Variants in ITPRID1 observed in about 807,000 individuals in gnomAD.
The protein encoded by ITPRID1 is protein ITPRID1.
In ITPRID1, 96 loss-of-function variants were observed where a neutral mutation model predicts 95.4. The observed-to-expected ratio is 1.01, with a 90% CI of 0.85 to 1.19. The LOEUF (loss-of-function observed/expected upper bound fraction) is 1.19. Among genes scored for constraint, ITPRID1 ranks in the 50% most tolerant of loss-of-function variants. The probability of loss-of-function intolerance (pLI) is 0.00; values close to 1 mark genes in which losing one functional copy is unlikely to be tolerated. For missense variants in ITPRID1, 1,339 were observed against 1,252.9 expected (o/e 1.07, Z -1.04); for synonymous variants, 510 against 453.6 (o/e 1.12, Z -1.58).
At chr7:31,515,065 T>C (rs1783003182) in intron 1 of ITPRID1, among the ~76,000 whole-genome samples, 1 of 151,930 alleles carries the variant, frequency 6.6e-6, no homozygotes, top group Admixed American at 6.6e-5. Context: ...TCTATTCTTA[T>C]TGGATAATAT....
intron 1 of ITPRID1, among the ~76,000 whole-genome samples, chr7:31,545,012 A>G (rs1032377323): frequency 3.3e-5 from 5 of 152,068 alleles, no homozygotes; most frequent in African/African-American, 1.2e-4. Context: ...CCAGGAGTTC[A>G]TTTAGTTGGT....
At chr7:31,615,052 A>C (rs762580644) in intron 10 of ITPRID1, among the ~76,000 whole-genome samples, 29 of 152,092 alleles carry the variant, frequency 1.9e-4, no homozygotes, top group Non-Finnish European at 3.8e-4. Flanking sequence ...TTTTATAGTA[A>C]TTTTCTTAAA....
At chr7:31,588,489 G>C (rs1785718682) in intron 10 of ITPRID1, among the ~76,000 whole-genome samples, 1 of 151,824 alleles carries the variant, frequency 6.6e-6, no homozygotes, top group African/African-American at 2.4e-5. Context: ...AAATTAGCTG[G>C]GCATGGTGGT....
chr7:31,606,807 T>C (rs1001309521), intron 10 of ITPRID1, among the ~76,000 whole-genome samples: 21 of 152,156 alleles, frequency 1.4e-4, no homozygotes, highest in African/African-American at 5.1e-4. Flanking sequence ...TTTCTGGTTA[T>C]TTTCTTTTGT....
Position 31,554,525 on chromosome 7 carries a change from T to G in ITPRID1, c.212+2T>G. ...GCAGTGGCTGGACTCTGGATTCTTG[T>G]AAGTGTTTTTGTGTGTGTGTGCCTT... On this transcript the variant is annotated splice_donor_variant, in intron 4 of 14. Transcript: ENST00000615280. LOFTEE classifies it high-confidence loss of function. 1 of 1,612,486 alleles carries G rather than the reference T, an allele frequency of 6.2e-7. No homozygotes were observed. The highest frequency in any genetic ancestry group is 1.3e-5 in the African/African-American group (1 of 75,012).
chr7:31,533,925 C>G lies in ITPRID1; in HGVS notation c.-97-15501C>G, dbSNP rs564210449. On this transcript the variant is annotated intron_variant, in intron 1 of 14. Transcript: ENST00000615280. Reference sequence around the variant, plus strand: ...GCTGTGGACTAGTATTAGTCCCTGGCCTGCTACAAACCAGGCGACCCAGCA... The same window carrying G: ...GCTGTGGACTAGTATTAGTCCCTGGGCTGCTACAAACCAGGCGACCCAGCA... Among the ~76,000 whole-genome samples the G allele has an allele frequency of 7.4e-4, 112 of 152,238 alleles. 1 individual carries two copies. The highest frequency in any genetic ancestry group is 2.7e-3 in the African/African-American group (111 of 41,538).
intron 10 of ITPRID1, among the ~76,000 whole-genome samples, chr7:31,590,996 A>T (rs1025329890): frequency 6.6e-6 from 1 of 152,206 alleles, no homozygotes; most frequent in Non-Finnish European, 1.5e-5. Context: ...TCCAGAGTGT[A>T]CACTCTTGAA....
At chr7:31,624,851 A>G (rs912822823) in intron 10 of ITPRID1, among the ~76,000 whole-genome samples, 6 of 152,182 alleles carry the variant, frequency 3.9e-5, no homozygotes, top group South Asian at 4.1e-4. Context: ...CAAAATGGGA[A>G]AAAATTTTCG....
At chr7:31,595,025 TA>T (rs1562595471) in intron 10 of ITPRID1, among the ~76,000 whole-genome samples, 1 of 151,622 alleles carries the variant, frequency 6.6e-6, no homozygotes. Context: ...GAATATTTAT[TA>T]AAATATCTAA....
At chr7:31,642,570 G>A (rs1335815251) in intron 11 of ITPRID1, 112 bp from the exon 12 acceptor site, 5 of 956,284 alleles carry the variant, frequency 5.2e-6, no homozygotes, top group South Asian at 3.5e-5. Context: ...ACCTGATGTT[G>A]CAACCCTTAT....
chr7:31,631,431 C>T (rs1788985795), intron 10 of ITPRID1, among the ~76,000 whole-genome samples: 1 of 152,178 alleles, frequency 6.6e-6, no homozygotes, highest in African/African-American at 2.4e-5. Flanking sequence ...GCCCTAAATA[C>T]ATAGAAAGAT....
chr7:31,600,404 A>T (rs1786341778), intron 10 of ITPRID1, among the ~76,000 whole-genome samples: 2 of 152,248 alleles, frequency 1.3e-5, no homozygotes, highest in Non-Finnish European at 2.9e-5. Context: ...GGGATTGTTT[A>T]AAAAATGACG....
At chr7:31,657,497 G>A (rs10487730), downstream of ITPRID1, among the ~76,000 whole-genome samples, 112,571 of 152,052 alleles carry the variant, frequency 0.74, 41,819 homozygotes, top group East Asian at 0.82. Context: ...GTTCTGAGTC[G>A]CTTTCATACA....
intron 1 of ITPRID1, among the ~76,000 whole-genome samples, chr7:31,541,766 A>G (rs1211606301): frequency 6.6e-6 from 1 of 152,152 alleles, no homozygotes; most frequent in East Asian, 1.9e-4. Flanking sequence ...AAAACCTTGT[A>G]GACATGTTTA....
intron 1 of ITPRID1, among the ~76,000 whole-genome samples, chr7:31,516,669 G>C (rs1201095734): frequency 4.6e-5 from 7 of 152,150 alleles, no homozygotes; most frequent in Non-Finnish European, 1.5e-5. Context: ...TACATGCTTA[G>C]ATAAACTCAA....
Position 31,514,129 on chromosome 7 carries a change from A to T in ITPRID1, c.-98+9A>T, listed in dbSNP as rs1379950467. 6.6e-6 allele frequency: 1 copy of T among 152,242 alleles called. No homozygotes were observed. 9.4% of individuals were successfully genotyped at this position (152,242 alleles called of 1,614,324 possible). ...TGGAGCTTTTGTGGCAGGTGGGTAG[A>T]GGCTGCTGGAGGGGGCTTTCATGAT... On this transcript the variant is annotated intron_variant, in intron 1 of 14. Coordinates refer to ENST00000615280, the MANE Select transcript of ITPRID1 (RefSeq NM_001257967.3).
rs759801244 is a variant in ITPRID1 at position 31,643,744 on chromosome 7, A to G, written c.2374A>G (p.Ile792Val). The change falls in exon 12 of 15, where the codon ATC becomes GTC. Residue 792 changes from isoleucine (I) to valine (V), a missense_variant. Physicochemically the swap from Ile to Val is conservative, Grantham distance 29. Coordinates refer to ENST00000615280, the MANE Select transcript of ITPRID1 (RefSeq NM_001257967.3). ...CTCTCTAGACTCAGGCTTCTCTAGT[A>G]TCTGCCCAATGGGCACCTGCCATGC... ...SVSLDSGFSS[I>V]CPMGTCHAIP... 3.1e-6 allele frequency: 5 copies of G among 1,613,986 alleles called. No homozygotes were observed. Among genetic ancestry groups the G allele is most frequent in the Middle Eastern group, 1.6e-4 (1 of 6,062 alleles).
rs1255174226 is a variant in ITPRID1 at position 31,655,476 on chromosome 7, T to C, written c.*2647T>C. Among the ~76,000 whole-genome samples the C allele has an allele frequency of 6.6e-6, 1 of 152,202 alleles. No individual in the cohort carries two copies. The highest frequency in any genetic ancestry group is 1.5e-5 in the Non-Finnish European group (1 of 68,032). On this transcript the variant is annotated 3_prime_UTR_variant, in exon 15 of 15. Transcript: ENST00000615280. ...CCAGGTTGGGCTCTCTCAGCCACCATGTGGGTCATATTTGCTGGATCTACA... is the reference window on the plus strand; with the variant it reads ...CCAGGTTGGGCTCTCTCAGCCACCACGTGGGTCATATTTGCTGGATCTACA...
intron 10 of ITPRID1, among the ~76,000 whole-genome samples, chr7:31,609,891 A>G (rs563434658): frequency 9.9e-5 from 15 of 150,918 alleles, no homozygotes; most frequent in Non-Finnish European, 1.6e-4. Context: ...TTGAGATTCT[A>G]TTTCTTTTTA....
Sources: gnomAD v4.1 joint callset for allele counts (sites outside exome capture counted in the v4.1 genomes callset) on GRCh38, gnomAD v4.1.1 for gene constraint, MANE v1.5 for transcripts, NCBI Gene and HGNC (gene_info 2026-07-23, HGNC 2026-07-21) for gene names.